Variants in PDE10A observed in about 807,000 individuals in gnomAD.
The protein encoded by PDE10A is phosphodiesterase 10A.
PDE10A carries 39 observed loss-of-function variants against 97.7 expected under a neutral mutation model. That is an observed-to-expected ratio of 0.40 (90% CI 0.31 to 0.52). PDE10A has a LOEUF of 0.52. Among genes scored for constraint, PDE10A ranks in the 20% least tolerant of loss-of-function variants. The pLI is 0.56. For missense variants in PDE10A, 731 were observed against 1,047.8 expected (o/e 0.70, Z 4.17); for synonymous variants, 371 against 376.8 (o/e 0.98, Z 0.18).
intron 1 of PDE10A, among the ~76,000 whole-genome samples, chr6:165,765,655 C>T (rs1273981045): frequency 6.6e-6 from 1 of 152,234 alleles, no homozygotes; most frequent in Non-Finnish European, 1.5e-5. Context: ...CCGGTTCCTG[C>T]TCGCGCCTCT....
chr6:165,333,207 C>T, intron 21 of PDE10A, 80 bp from the exon 22 acceptor site: 2 of 868,460 alleles, frequency 2.3e-6, no homozygotes, highest in Non-Finnish European at 3.9e-6. Flanking sequence ...CCAAACAGTC[C>T]TGTGGCACAG....
chr6:165,851,090 C>CT (rs1257096129), intron 1 of PDE10A, among the ~76,000 whole-genome samples: 2 of 152,202 alleles, frequency 1.3e-5, no homozygotes, highest in East Asian at 3.8e-4. Flanking sequence ...AAACTTTCTG[C>CT]TTACACGTAA....
At chr6:165,694,454 G>A (rs1048421755) in intron 1 of PDE10A, among the ~76,000 whole-genome samples, 27 of 152,308 alleles carry the variant, frequency 1.8e-4, no homozygotes, top group Admixed American at 1.7e-3. Flanking sequence ...GCACAAGCAT[G>A]GCGTGGAATC....
intron 1 of PDE10A, among the ~76,000 whole-genome samples, chr6:165,909,858 G>C (rs1311579160): frequency 6.6e-6 from 1 of 151,984 alleles, no homozygotes; most frequent in Non-Finnish European, 1.5e-5. Flanking sequence ...ACTCCTTGCT[G>C]TTCCACCAAA....
At chr6:165,529,599 CCTT>C (rs761085680) in intron 2 of PDE10A, among the ~76,000 whole-genome samples, 2 of 152,170 alleles carry the variant, frequency 1.3e-5, no homozygotes, top group Non-Finnish European at 2.9e-5. Context: ...ATTTCCTCCT[CCTT>C]TTGTTAAAAA....
intron 1 of PDE10A, among the ~76,000 whole-genome samples, chr6:165,630,851 T>C (rs181113556): frequency 2.4e-4 from 37 of 152,158 alleles, no homozygotes; most frequent in Admixed American, 2.1e-3. Context: ...GTAGGAAACA[T>C]AGAGAATAAA....
intron 1 of PDE10A, among the ~76,000 whole-genome samples, chr6:165,640,005 G>A (rs1789055782): frequency 6.6e-6 from 1 of 151,620 alleles, no homozygotes; most frequent in Non-Finnish European, 1.5e-5. Context: ...AGGAGGTTGA[G>A]GCTGCAGTGA....
chr6:165,431,562 A>C (rs1789570377), intron 7 of PDE10A, 90 bp from the exon 8 acceptor site: 1 of 389,562 alleles, frequency 2.6e-6, no homozygotes, highest in Non-Finnish European at 4.4e-6. Context: ...TCATATGTAT[A>C]ATACATAACA....
chr6:165,734,021 A>T (rs1243776648), intron 1 of PDE10A, among the ~76,000 whole-genome samples: 4 of 152,166 alleles, frequency 2.6e-5, no homozygotes, highest in Non-Finnish European at 4.4e-5. Context: ...CACGATGGGG[A>T]CAGGGAGCTG....
chr6:165,344,134 G>A (rs2128181508), intron 18 of PDE10A, among the ~76,000 whole-genome samples: 1 of 152,184 alleles, frequency 6.6e-6, no homozygotes, highest in Non-Finnish European at 1.5e-5. Context: ...TCAGCTGCTT[G>A]CATTCATAAC....
chr6:165,896,192 T>G (rs1781943159), intron 1 of PDE10A, among the ~76,000 whole-genome samples: 1 of 152,078 alleles, frequency 6.6e-6, no homozygotes, highest in Non-Finnish European at 1.5e-5. Context: ...GGAGTTGTCA[T>G]CTTGTTGGGA....
At chr6:165,865,073 A>G (rs1781003450) in intron 1 of PDE10A, among the ~76,000 whole-genome samples, 1 of 152,146 alleles carries the variant, frequency 6.6e-6, no homozygotes, top group Non-Finnish European at 1.5e-5. Context: ...TACCACCACC[A>G]CCATTTGTGC....
At position 165,778,273 on chromosome 6, in the gene PDE10A, T is replaced by C. The variant is rs189720871; in HGVS notation, c.-615+209256A>G. On this transcript the variant is annotated intron_variant, in intron 1 of 19. Transcript: ENST00000366882. The stretch of plus-strand genomic sequence containing the variant: ...TTTTAGTAGAGACGGGGTTTCACCA[T>C]GTTAGCCAGGATGGTCTGGATCTCC... 5.8e-3 allele frequency among the ~76,000 whole-genome samples: 884 copies of C among 152,278 alleles called. 8 individuals carry two copies. The highest frequency in any genetic ancestry group is 0.01 in the Non-Finnish European group (713 of 68,022).
chr6:165,875,649 T>C (rs578250475), intron 1 of PDE10A, among the ~76,000 whole-genome samples: 3 of 152,252 alleles, frequency 2.0e-5, no homozygotes, highest in Non-Finnish European at 2.9e-5. Flanking sequence ...AGTTCCTTTT[T>C]CTGTACCTGT....
At chr6:165,802,080 C>A (rs1214657045) in intron 1 of PDE10A, among the ~76,000 whole-genome samples, 1 of 152,190 alleles carries the variant, frequency 6.6e-6, no homozygotes, top group African/African-American at 2.4e-5. Flanking sequence ...ATTTGTGTGA[C>A]CTGAGTCCAA....
At chr6:165,416,313 T>C in intron 11 of PDE10A, 32 bp from the exon 12 acceptor site, 1 of 1,275,956 alleles carries the variant, frequency 7.8e-7, no homozygotes, top group Middle Eastern at 1.9e-4. Flanking sequence ...ACATGCTAAT[T>C]AAAATATGGA....
chr6:165,360,293 C>A (rs1783320962), intron 18 of PDE10A, among the ~76,000 whole-genome samples: 1 of 152,162 alleles, frequency 6.6e-6, no homozygotes. Context: ...CAGGCCCAGC[C>A]ACTGACCCGT....
At chr6:165,885,250 A>C (rs1781596251) in intron 1 of PDE10A, among the ~76,000 whole-genome samples, 2 of 152,244 alleles carry the variant, frequency 1.3e-5, no homozygotes, top group South Asian at 4.1e-4. Context: ...AAAGACTCAC[A>C]GTTCTGCACG....
chr6:165,726,948 G>A (rs1012220027), intron 1 of PDE10A, among the ~76,000 whole-genome samples: 2 of 152,192 alleles, frequency 1.3e-5, no homozygotes, highest in Admixed American at 6.5e-5. Context: ...ACAGCATAAA[G>A]GAAGATGGAT....
Sources: allele counts gnomAD v4.1 joint callset (sites outside exome capture counted in the v4.1 genomes callset), GRCh38; gene constraint gnomAD v4.1.1; transcripts MANE v1.5; gene names NCBI Gene and HGNC (gene_info 2026-07-23, HGNC 2026-07-21).